The following SFSWAP variants were observed in gnomAD, a reference collection of about 807,000 sequenced individuals.
SFSWAP encodes splicing factor, suppressor of white-apricot homolog.
SFSWAP carries 17 observed loss-of-function variants against 100.7 expected under a neutral mutation model. The observed-to-expected ratio is 0.17, with a 90% CI of 0.12 to 0.25. SFSWAP has a LOEUF of 0.25. Ranked by LOEUF, SFSWAP falls within the 10% of genes least tolerant of loss-of-function variation. The probability of loss-of-function intolerance (pLI) is 1.00; values close to 1 mark genes in which losing one functional copy is unlikely to be tolerated. For synonymous variants in SFSWAP, 504 were observed against 510.1 expected (o/e 0.99, Z 0.16); for missense variants, 1,005 against 1,262.6 (o/e 0.80, Z 3.09).
intron 13 of SFSWAP, among the ~76,000 whole-genome samples, chr12:131,777,001 T>C (rs1350667856): frequency 6.6e-6 from 1 of 152,208 alleles, no homozygotes; most frequent in Non-Finnish European, 1.5e-5. Flanking sequence ...GGAGAGGTTT[T>C]AAAACATCAA....
At chr12:131,731,927 T>C (rs1013059834) in intron 7 of SFSWAP, among the ~76,000 whole-genome samples, 1 of 137,158 alleles carries the variant, frequency 7.3e-6, no homozygotes, top group African/African-American at 2.9e-5. Flanking sequence ...TTTTTTTTTT[T>C]GAGACGGAGT....
chr12:131,736,870 A>G (rs1370970681), intron 7 of SFSWAP, among the ~76,000 whole-genome samples: 1 of 152,074 alleles, frequency 6.6e-6, no homozygotes, highest in Non-Finnish European at 1.5e-5. Flanking sequence ...AAGCAGAGAA[A>G]AGGTGACAGA....
At position 131,733,563 on chromosome 12, in the gene SFSWAP, G is replaced by C. The variant is rs1171703061; in HGVS notation, c.1081+5135G>C. Among the ~76,000 whole-genome samples the C allele has an allele frequency of 1.3e-5, 2 of 152,072 alleles. No individual in the cohort carries two copies. The highest frequency in any genetic ancestry group is 2.9e-5 in the Non-Finnish European group (2 of 68,000). On this transcript the variant is annotated intron_variant, in intron 7 of 17. Transcript: ENST00000261674. This position sits in a 1 kb window ranked among gnomAD's most constrained non-coding sequence, Gnocchi z 5.1. ...GGAGCCAAGGCTGGAGGTGGGCGCAGCTCCATGTTCTCGGGGGATTTCTTC... is the reference window on the plus strand; with the variant it reads ...GGAGCCAAGGCTGGAGGTGGGCGCACCTCCATGTTCTCGGGGGATTTCTTC...
At chr12:131,751,229 A>C (rs1289639332) in intron 7 of SFSWAP, among the ~76,000 whole-genome samples, 1 of 152,258 alleles carries the variant, frequency 6.6e-6, no homozygotes, top group Non-Finnish European at 1.5e-5. Flanking sequence ...GAATGCAGGT[A>C]TCAGGTTGGA....
At chr12:131,718,170 C>T (rs1313051753) in intron 3 of SFSWAP, among the ~76,000 whole-genome samples, 1 of 152,134 alleles carries the variant, frequency 6.6e-6, no homozygotes, top group African/African-American at 2.4e-5. Context: ...ACTGGAATAC[C>T]CAAGTTTTTG....
At chr12:131,726,175 T>TAC (rs143339026) in intron 5 of SFSWAP, among the ~76,000 whole-genome samples, 25,727 of 151,224 alleles carry the variant, frequency 0.17, 2,713 homozygotes, top group East Asian at 0.52. Flanking sequence ...TGTATATATA[T>TAC]ACACACACAC....
chr12:131,732,941 G>A (rs1371478103), intron 7 of SFSWAP, among the ~76,000 whole-genome samples: 1 of 152,196 alleles, frequency 6.6e-6, no homozygotes, highest in African/African-American at 2.4e-5. Context: ...GTGGGGTCTG[G>A]AAAAGGGCGG....
chr12:131,761,328 A>G (rs1882660199), intron 11 of SFSWAP, among the ~76,000 whole-genome samples: 1 of 152,212 alleles, frequency 6.6e-6, no homozygotes, highest in Non-Finnish European at 1.5e-5. Context: ...TGGCGGGTTC[A>G]CTCAGGGGTG....
intron 7 of SFSWAP, among the ~76,000 whole-genome samples, chr12:131,744,444 T>C (rs1350807348): frequency 6.6e-6 from 1 of 152,230 alleles, no homozygotes; most frequent in Non-Finnish European, 1.5e-5. Context: ...CCAGTGTTTT[T>C]GCCAAAACAT....
At chr12:131,751,176 CTG>C (rs1363192389) in intron 7 of SFSWAP, among the ~76,000 whole-genome samples, 4 of 152,230 alleles carry the variant, frequency 2.6e-5, no homozygotes, top group Non-Finnish European at 4.4e-5. Flanking sequence ...TTCTTCATCT[CTG>C]TTGTGTTCCA....
chr12:131,748,850 T>G (rs1187972992), intron 7 of SFSWAP, among the ~76,000 whole-genome samples: 4 of 152,232 alleles, frequency 2.6e-5, no homozygotes, highest in Admixed American at 2.0e-4. Context: ...TTGGATTTAT[T>G]TGGAGTAGGC....
At chr12:131,743,948 C>T (rs1322168994) in intron 7 of SFSWAP, among the ~76,000 whole-genome samples, 1 of 152,232 alleles carries the variant, frequency 6.6e-6, no homozygotes, top group Non-Finnish European at 1.5e-5. Context: ...GGGCTTCCAC[C>T]CTCTGAAGCC....
At position 131,778,902 on chromosome 12, in the gene SFSWAP, C is replaced by T. The variant is rs1884239672; in HGVS notation, c.2408+572C>T. ...AATTCTAATGGTTCCTGGAAGCAAG[C>T]CTACCACATTTGCCGATTGTGTGAA... On this transcript the variant is annotated intron_variant, in intron 14 of 17. Coordinates refer to ENST00000261674, the MANE Select transcript of SFSWAP (RefSeq NM_004592.4). The surrounding 1 kb of genome is among the most constrained non-coding windows in gnomAD (Gnocchi z 4.2). Among the ~76,000 whole-genome samples the T allele has an allele frequency of 6.6e-6, 1 of 151,910 alleles. No homozygotes were observed.
At chr12:131,774,840 C>A (rs192798791) in intron 13 of SFSWAP, among the ~76,000 whole-genome samples, 2 of 151,996 alleles carry the variant, frequency 1.3e-5, no homozygotes, top group African/African-American at 4.8e-5. Flanking sequence ...CAGATTGTCC[C>A]GTCGCTTCAA....
chr12:131,783,165 A>G (rs1410587979), intron 14 of SFSWAP, among the ~76,000 whole-genome samples: 1 of 148,150 alleles, frequency 6.7e-6, no homozygotes, highest in Non-Finnish European at 1.5e-5. Flanking sequence ...TGGGCAATAG[A>G]GCAAGACTCC....
At chr12:131,788,901 T>C (rs911532687) in intron 15 of SFSWAP, among the ~76,000 whole-genome samples, 4 of 152,240 alleles carry the variant, frequency 2.6e-5, no homozygotes, top group Non-Finnish European at 4.4e-5. Flanking sequence ...ACCAAGTTGC[T>C]GTCACTTTAA....
chr12:131,721,943 ATG>A (rs1009156734), intron 4 of SFSWAP, among the ~76,000 whole-genome samples: 2 of 152,138 alleles, frequency 1.3e-5, no homozygotes, highest in African/African-American at 4.8e-5. Flanking sequence ...CATAATTATT[ATG>A]TGTTTTTTGG....
intron 7 of SFSWAP, among the ~76,000 whole-genome samples, chr12:131,740,146 A>G (rs1880463677): frequency 1.3e-5 from 2 of 152,116 alleles, no homozygotes; most frequent in Non-Finnish European, 2.9e-5. Context: ...GGGTAGCTGG[A>G]TGGGTCATGA....
intron 13 of SFSWAP, among the ~76,000 whole-genome samples, chr12:131,769,788 G>A (rs1028174377): frequency 2.6e-5 from 4 of 151,942 alleles, no homozygotes; most frequent in African/African-American, 7.3e-5. Flanking sequence ...CACCACGCCC[G>A]GCTAATTTTT....
Sources: gnomAD v4.1 joint callset for allele counts (sites outside exome capture counted in the v4.1 genomes callset) on GRCh38, gnomAD v4.1.1 for gene constraint, Gnocchi (gnomAD v3.1) non-coding constraint, MANE v1.5 for transcripts, NCBI Gene and HGNC (gene_info 2026-07-23, HGNC 2026-07-21) for gene names.